LGSN: variants seen among roughly 807,000 people sequenced by gnomAD.
LGSN encodes lengsin.
Under a neutral mutation model 19.5 loss-of-function variants are expected in LGSN, and 21 were observed. That is an observed-to-expected ratio of 1.07 (90% confidence interval 0.76 to 1.55). The LOEUF (loss-of-function observed/expected upper bound fraction) is 1.55, where lower values mean the gene tolerates loss of function less well. LGSN is among the 40% of genes most tolerant of loss of function. The pLI is 0.00. For synonymous variants in LGSN, 257 were observed against 215.6 expected (o/e 1.19, Z -1.68); for missense variants, 673 against 608.5 (o/e 1.11, Z -1.12).
At chr6:63,361,013 G>A in the LGSN span, among the ~76,000 whole-genome samples, 1 of 152,208 alleles carries the variant, frequency 6.6e-6, no homozygotes, top group African/African-American at 2.4e-5. Flanking sequence ...TCGTTCCTCT[G>A]GAAGTTTTGT....
At chr6:63,410,936 G>A in the LGSN span, among the ~76,000 whole-genome samples, 1 of 152,110 alleles carries the variant, frequency 6.6e-6, no homozygotes, top group African/African-American at 2.4e-5. Context: ...AAGCAACGAG[G>A]TTTGGCATAA....
chr6:63,285,562 TTA>T, intron 3 of LGSN, 23 bp downstream of exon 3: 1 of 1,570,858 alleles, frequency 6.4e-7, no homozygotes, highest in South Asian at 1.1e-5. Flanking sequence ...GAAATTACAT[TTA>T]GTCACAACTG....
the LGSN span, among the ~76,000 whole-genome samples, chr6:63,450,171 AC>A: frequency 7.9e-6 from 1 of 126,496 alleles, no homozygotes; most frequent in Non-Finnish European, 1.6e-5. Flanking sequence ...ACATGGTGAA[AC>A]CCCATCTCTA....
chr6:63,438,646 C>T, the LGSN span, among the ~76,000 whole-genome samples: 3 of 152,066 alleles, frequency 2.0e-5, no homozygotes, highest in African/African-American at 7.2e-5. Context: ...AAATCAAAAC[C>T]ACAATGAGAT....
chr6:63,336,362 C>T, the LGSN span, among the ~76,000 whole-genome samples: 4 of 151,982 alleles, frequency 2.6e-5, no homozygotes, highest in South Asian at 2.1e-4. Context: ...TAAATATGTA[C>T]ACATATAGAG....
the LGSN span, among the ~76,000 whole-genome samples, chr6:63,327,631 C>A: frequency 6.6e-6 from 1 of 152,140 alleles, no homozygotes; most frequent in South Asian, 2.1e-4. Flanking sequence ...GTCTGAGAGG[C>A]AGATATGGGT....
the LGSN span, among the ~76,000 whole-genome samples, chr6:63,337,170 G>C: frequency 6.6e-6 from 1 of 151,638 alleles, no homozygotes; most frequent in Non-Finnish European, 1.5e-5. Flanking sequence ...TGATCTGCCC[G>C]CCTCGGTCTC....
At chr6:63,472,574 A>G in the LGSN span, among the ~76,000 whole-genome samples, 4 of 152,156 alleles carry the variant, frequency 2.6e-5, no homozygotes, top group African/African-American at 9.7e-5. Flanking sequence ...GATATCTACA[A>G]CCACTGTTTT....
chr6:63,499,267 T>C, the LGSN span, among the ~76,000 whole-genome samples: 1 of 152,110 alleles, frequency 6.6e-6, no homozygotes, highest in Admixed American at 6.5e-5. Context: ...GAAGAGAACC[T>C]TGGAAATTTT....
the LGSN span, among the ~76,000 whole-genome samples, chr6:63,510,080 T>G: frequency 6.6e-6 from 1 of 152,232 alleles, no homozygotes; most frequent in East Asian, 1.9e-4. Flanking sequence ...TATTTTTGAA[T>G]TTTTTAAAGA....
the LGSN span, among the ~76,000 whole-genome samples, chr6:63,486,314 TCAA>T: frequency 6.6e-6 from 1 of 152,126 alleles, no homozygotes; most frequent in African/African-American, 2.4e-5. Flanking sequence ...GAACTCGTGA[TCAA>T]CATGTTTTTG....
At chr6:63,438,675 G>A in the LGSN span, among the ~76,000 whole-genome samples, 4 of 152,174 alleles carry the variant, frequency 2.6e-5, no homozygotes, top group African/African-American at 9.7e-5. Context: ...ACACCAGTTA[G>A]AATGCCAATC....
chr6:63,390,546 T>C, the LGSN span, among the ~76,000 whole-genome samples: 2 of 151,880 alleles, frequency 1.3e-5, no homozygotes, highest in Admixed American at 6.6e-5. Flanking sequence ...TACACAGGAA[T>C]TGAATTTGTT....
upstream of LGSN, among the ~76,000 whole-genome samples, chr6:63,323,891 C>A (rs1582060162): frequency 6.6e-6 from 1 of 151,600 alleles, no homozygotes; most frequent in East Asian, 1.9e-4. Context: ...CCTGCCTCAG[C>A]CTCCCAGATA....
chr6:63,409,085 A>G, the LGSN span, among the ~76,000 whole-genome samples: 1 of 152,012 alleles, frequency 6.6e-6, no homozygotes. Context: ...TACTTTTTAA[A>G]ATATTTTGTA....
the LGSN span, among the ~76,000 whole-genome samples, chr6:63,462,122 G>A: frequency 1.4e-4 from 22 of 152,116 alleles, no homozygotes; most frequent in Non-Finnish European, 7.4e-5. Context: ...CTGATTCTCC[G>A]AGGCAAAGCC....
the LGSN span, among the ~76,000 whole-genome samples, chr6:63,362,636 G>A: frequency 6.6e-6 from 1 of 152,222 alleles, no homozygotes; most frequent in African/African-American, 2.4e-5. Context: ...CAAGGCAGCA[G>A]TGAGGCTGGG....
the LGSN span, chr6:63,441,350 C>A: frequency 2.1e-6 from 1 of 477,714 alleles, no homozygotes. Flanking sequence ...TGGCTCTCCT[C>A]AACAACAGGC....
At chr6:63,340,165 G>A in the LGSN span, among the ~76,000 whole-genome samples, 908 of 152,042 alleles carry the variant, frequency 6.0e-3, 6 homozygotes, top group African/African-American at 0.02. Flanking sequence ...TCCCTTATGT[G>A]TGACTTGACG....
Sources: allele counts gnomAD v4.1 joint callset (sites outside exome capture counted in the v4.1 genomes callset), GRCh38; gene constraint gnomAD v4.1.1; transcripts MANE v1.5; gene names NCBI Gene and HGNC (gene_info 2026-07-23, HGNC 2026-07-21).